Variants in SHISAL1 observed in about 807,000 individuals in gnomAD.
SHISAL1 encodes shisa like 1.
Under a neutral mutation model 22.6 loss-of-function variants are expected in SHISAL1, and 9 were observed. The ratio of observed to expected loss-of-function variants is 0.40; its 90% confidence interval spans 0.24 to 0.70. The LOEUF (loss-of-function observed/expected upper bound fraction) is 0.70. Among genes scored for constraint, SHISAL1 ranks in the 30% least tolerant of loss-of-function variants. The probability of loss-of-function intolerance (pLI) is 0.39; values close to 1 mark genes in which losing one functional copy is unlikely to be tolerated. For synonymous variants in SHISAL1, 119 were observed against 115.4 expected, an observed-to-expected ratio of 1.03 and a Z score of -0.20; for missense variants, 246 against 270.6, an observed-to-expected ratio of 0.91 and a Z score of 0.64.
At chr22:44,288,081 ACGCT>A (rs2055328608) in intron 3 of SHISAL1, among the ~76,000 whole-genome samples, 1 of 152,070 alleles carries the variant, frequency 6.6e-6, no homozygotes, top group South Asian at 2.1e-4. Flanking sequence ...GTGGCAGTGG[ACGCT>A]CGTTCCCCTA....
intron 4 of SHISAL1, among the ~76,000 whole-genome samples, chr22:44,278,866 C>G (rs562105467): frequency 1.3e-5 from 2 of 152,104 alleles, no homozygotes; most frequent in African/African-American, 4.8e-5. Flanking sequence ...GTAGCCTGCA[C>G]TCTGGGGAGT....
At position 44,249,654 on chromosome 22, in the gene SHISAL1, T is replaced by G. The variant is rs1231039224; in HGVS notation, c.*31A>C. On this transcript the variant is annotated 3_prime_UTR_variant, in exon 5 of 5. Coordinates refer to ENST00000381176, the MANE Select transcript of SHISAL1 (RefSeq NM_001099294.2). ...TGCACCGGGTGCTTCAGATCTCATC[T>G]CCCCCATCCTGAGGCACAGCAAAAG... 2 of 778,352 alleles carry G rather than the reference T, an allele frequency of 2.6e-6. No homozygotes were observed. Among genetic ancestry groups the G allele is most frequent in the African/African-American group, 3.4e-5 (2 of 58,706 alleles). The allele number at this position is 778,352 out of a possible 1,614,324, so 48.2% of individuals were successfully genotyped here.
At chr22:44,321,603 A>C in the SHISAL1 span, among the ~76,000 whole-genome samples, 1 of 152,230 alleles carries the variant, frequency 6.6e-6, no homozygotes, top group South Asian at 2.1e-4. Context: ...TGAGCCTGTG[A>C]GGACGGGCCC....
At chr22:44,288,096 C>T (rs757549003) in intron 3 of SHISAL1, among the ~76,000 whole-genome samples, 1 of 152,206 alleles carries the variant, frequency 6.6e-6, no homozygotes, top group Non-Finnish European at 1.5e-5. Flanking sequence ...CGTTCCCCTA[C>T]CTGCTTCCCA....
At chr22:44,315,570 A>G (rs2055552686), upstream of SHISAL1, among the ~76,000 whole-genome samples, 1 of 152,042 alleles carries the variant, frequency 6.6e-6, no homozygotes, top group African/African-American at 2.4e-5. Context: ...CAGTTTCCCC[A>G]TCTATAAACT....
upstream of SHISAL1, among the ~76,000 whole-genome samples, chr22:44,313,588 C>A (rs115522849): frequency 2.0e-5 from 3 of 152,212 alleles, no homozygotes; most frequent in African/African-American, 7.2e-5. Context: ...TGCCACTGTT[C>A]GAAACACATC....
the SHISAL1 span, among the ~76,000 whole-genome samples, chr22:44,318,034 C>A: frequency 6.6e-6 from 1 of 152,274 alleles, no homozygotes; most frequent in African/African-American, 2.4e-5. Flanking sequence ...CAGAGAGAAG[C>A]CCCTCCAGGG....
At chr22:44,279,759 G>A (rs923247571) in intron 4 of SHISAL1, among the ~76,000 whole-genome samples, 5 of 152,170 alleles carry the variant, frequency 3.3e-5, no homozygotes, top group African/African-American at 9.7e-5. Context: ...CCAGGGTGAC[G>A]GAGCCAGCAC....
the SHISAL1 span, among the ~76,000 whole-genome samples, chr22:44,329,055 C>T: frequency 6.6e-6 from 1 of 152,226 alleles, no homozygotes; most frequent in East Asian, 1.9e-4. Flanking sequence ...CAGGTGCCTA[C>T]CGCACGTGCA....
chr22:44,259,657 G>A (rs1240724733), intron 4 of SHISAL1, among the ~76,000 whole-genome samples: 5 of 152,168 alleles, frequency 3.3e-5, no homozygotes, highest in Non-Finnish European at 5.9e-5. Flanking sequence ...AAGGGGAGCT[G>A]AGAAGGAAAA....
chr22:44,280,356 C>T (rs542951009), intron 4 of SHISAL1, among the ~76,000 whole-genome samples: 1 of 152,160 alleles, frequency 6.6e-6, no homozygotes, highest in East Asian at 1.9e-4. Context: ...TACTGTGTGG[C>T]CTTGGGCAAG....
At chr22:44,315,446 G>A (rs1215924200), upstream of SHISAL1, among the ~76,000 whole-genome samples, 1 of 152,050 alleles carries the variant, frequency 6.6e-6, no homozygotes, top group Non-Finnish European at 1.5e-5. Context: ...TGGGTGTGGT[G>A]CCGGAACTGT....
the SHISAL1 span, among the ~76,000 whole-genome samples, chr22:44,327,100 C>T: frequency 3.9e-5 from 6 of 152,226 alleles, no homozygotes; most frequent in African/African-American, 9.6e-5. Context: ...GGAAGCAGAT[C>T]GGTTTCAGCC....
At chr22:44,298,351 C>T (rs966874194) in intron 2 of SHISAL1, among the ~76,000 whole-genome samples, 2 of 152,226 alleles carry the variant, frequency 1.3e-5, no homozygotes, top group African/African-American at 4.8e-5. Context: ...GAGGGCATCC[C>T]CGGAGGGCTT....
At chr22:44,261,471 T>C (rs1280806932) in intron 4 of SHISAL1, among the ~76,000 whole-genome samples, 5 of 152,134 alleles carry the variant, frequency 3.3e-5, no homozygotes, top group Admixed American at 1.3e-4. Flanking sequence ...GAGATGACCA[T>C]GGCCTCAATG....
intron 2 of SHISAL1, among the ~76,000 whole-genome samples, chr22:44,298,136 G>T (rs1021090843): frequency 1.3e-5 from 2 of 152,222 alleles, no homozygotes; most frequent in African/African-American, 4.8e-5. Flanking sequence ...AAAGGTCTCA[G>T]CTTTTGGGGA....
At chr22:44,250,400 C>G (rs142759763) in intron 4 of SHISAL1, among the ~76,000 whole-genome samples, 175 of 152,272 alleles carry the variant, frequency 1.1e-3, no homozygotes, top group African/African-American at 4.0e-3. Context: ...ACCAGTGGAA[C>G]AAGATCTACA....
chr22:44,322,814 T>A, the SHISAL1 span, among the ~76,000 whole-genome samples: 1 of 152,218 alleles, frequency 6.6e-6, no homozygotes, highest in Non-Finnish European at 1.5e-5. Context: ...GCATCCCACC[T>A]TGTCGCTCTC....
intron 4 of SHISAL1, among the ~76,000 whole-genome samples, chr22:44,267,455 C>T (rs1198802990): frequency 6.6e-6 from 1 of 151,744 alleles, no homozygotes; most frequent in East Asian, 1.9e-4. Context: ...ACTCCACTCC[C>T]TGGTGCCGGC....
Sources: allele counts gnomAD v4.1 joint callset (sites outside exome capture counted in the v4.1 genomes callset), GRCh38; gene constraint gnomAD v4.1.1; transcripts MANE v1.5; gene names NCBI Gene and HGNC (gene_info 2026-07-23, HGNC 2026-07-21).